The following XYLT1 variants were observed in gnomAD, a reference collection of about 807,000 sequenced individuals.
The protein encoded by XYLT1 is xylosyltransferase 1, also known as beta-D-xylosyltransferase 1.
In XYLT1, 36 loss-of-function variants were observed where a neutral mutation model predicts 91.3. The ratio of observed to expected loss-of-function variants is 0.39; its 90% CI spans 0.30 to 0.52. The LOEUF is 0.52. XYLT1 is among the 20% of genes least tolerant of loss of function. XYLT1 has a pLI of 0.68. For synonymous variants in XYLT1, 588 were observed against 532.0 expected (o/e 1.11, Z -1.45); for missense variants, 1,242 against 1,284.5 (o/e 0.97, Z 0.51).
At chr16:17,465,556 TG>T (rs68156050) in intron 1 of XYLT1, among the ~76,000 whole-genome samples, 65,944 of 101,294 alleles carry the variant, frequency 0.65, 19,092 homozygotes, top group African/African-American at 0.77. Flanking sequence ...TGTTTTTTTT[TG>T]GGGGGGGGGG....
At chr16:17,168,876 C>T (rs2141554249) in intron 5 of XYLT1, among the ~76,000 whole-genome samples, 1 of 152,250 alleles carries the variant, frequency 6.6e-6, no homozygotes, top group African/African-American at 2.4e-5. Context: ...TTCAGCGGCT[C>T]TCCATCATCT....
At chr16:17,390,828 G>C (rs2035808491) in intron 1 of XYLT1, among the ~76,000 whole-genome samples, 1 of 152,102 alleles carries the variant, frequency 6.6e-6, no homozygotes, top group South Asian at 2.1e-4. Context: ...CTGAGCTCAA[G>C]AGTTCAAAAC....
chr16:17,162,775 A>G (rs1028259210), intron 5 of XYLT1, among the ~76,000 whole-genome samples: 9 of 152,266 alleles, frequency 5.9e-5, no homozygotes, highest in African/African-American at 2.2e-4. Context: ...TTTTCAAACA[A>G]GATTCCAGAT....
rs149376807 is a variant in XYLT1, at chr16:17,138,816, A to T, written c.1588-285T>A. The T allele has an allele frequency of 4.9e-5, 15 of 303,134 alleles. 1 individual carries two copies. The South Asian group carries it at 7.9e-4, about 16-fold the overall frequency. 18.8% of individuals were successfully genotyped at this position (303,134 alleles called of 1,614,324 possible). A position where few individuals can be genotyped will look rare whatever the true frequency, so the allele number is the denominator to read the frequency against. The stretch of plus-strand genomic sequence containing the variant: ...GTCAAGGGACTCTTATGTTCTCTGC[A>T]TGCATTTGAGGTCAGCTGCCCATGT... On this transcript the variant is annotated intron_variant, in intron 7 of 11. Transcript: ENST00000261381.
chr16:17,259,265 G>A lies in XYLT1; in HGVS notation c.636C>T (p.Gly212=), dbSNP rs2033683995. Residue 212 remains glycine, a synonymous_variant, in exon 3 of 12, where the codon GGC becomes GGT. Coordinates refer to ENST00000261381, the MANE Select transcript of XYLT1 (RefSeq NM_022166.4). ...KGKGHTFPGK[G]PGEVLPPGDR... Reference sequence around the variant, plus strand: ...CCCCGGGAGGCAGCACCTCACCGGGGCCTTTCCCAGGGAATGTATGTCCTT... The same window carrying A: ...CCCCGGGAGGCAGCACCTCACCGGGACCTTTCCCAGGGAATGTATGTCCTT... 1 of 1,614,002 alleles carries A rather than the reference G, an allele frequency of 6.2e-7. No homozygotes were observed. The highest frequency in any genetic ancestry group is 1.3e-5 in the African/African-American group (1 of 74,916).
intron 5 of XYLT1, among the ~76,000 whole-genome samples, chr16:17,186,371 G>A (rs964480490): frequency 6.6e-6 from 1 of 152,112 alleles, no homozygotes; most frequent in African/African-American, 2.4e-5. Context: ...CCAAAGGGCT[G>A]GGATTACAGA....
chr16:17,313,171 G>A (rs1451831825), intron 2 of XYLT1, among the ~76,000 whole-genome samples: 1 of 152,194 alleles, frequency 6.6e-6, no homozygotes, highest in Non-Finnish European at 1.5e-5. Context: ...GCCAACACCA[G>A]AACTAGACAA....
chr16:17,110,333 CCCA>C (rs1322664956), intron 11 of XYLT1, among the ~76,000 whole-genome samples: 1 of 152,142 alleles, frequency 6.6e-6, no homozygotes, highest in African/African-American at 2.4e-5. Flanking sequence ...TCCCAGAATC[CCCA>C]CGTGTTGTGG....
chr16:17,408,554 T>C (rs1342187433), intron 1 of XYLT1, among the ~76,000 whole-genome samples: 1 of 152,190 alleles, frequency 6.6e-6, no homozygotes, highest in Non-Finnish European at 1.5e-5. Context: ...TTCTAGGTGC[T>C]AAAAGAATAG....
At chr16:17,387,635 A>G (rs901935164) in intron 1 of XYLT1, among the ~76,000 whole-genome samples, 1 of 152,152 alleles carries the variant, frequency 6.6e-6, no homozygotes, top group Non-Finnish European at 1.5e-5. Flanking sequence ...CTGGCAGGCA[A>G]GGGAACCGCT....
At chr16:17,407,760 C>T (rs2036052745) in intron 1 of XYLT1, among the ~76,000 whole-genome samples, 3 of 152,226 alleles carry the variant, frequency 2.0e-5, no homozygotes, top group African/African-American at 7.2e-5. Context: ...AGTAACTTGG[C>T]CTCTGCTATG....
rs1208487878 is a variant in XYLT1 at position 17,312,233 on chromosome 16, G to A, written c.402+45779C>T. Among the ~76,000 whole-genome samples the A allele has an allele frequency of 6.6e-6, 1 of 152,144 alleles. No homozygotes were observed. Among genetic ancestry groups the A allele is most frequent in the Non-Finnish European group, 1.5e-5 (1 of 68,018 alleles). On this transcript the variant is annotated intron_variant, in intron 2 of 11. Transcript: ENST00000261381. This position sits in a 1 kb window ranked among gnomAD's most constrained non-coding sequence, Gnocchi z 4.4. ...GCCCAGGGGGTGACTCATCTGCTGT[G>A]CCCAGAGCTCAGGCCAGGTAGGAGG...
intron 2 of XYLT1, among the ~76,000 whole-genome samples, chr16:17,337,768 A>AATTTTTCTTTTTTTTTTTTTTTTTTT (rs1272127217): frequency 3.9e-5 from 4 of 102,552 alleles, no homozygotes; most frequent in Non-Finnish European, 4.0e-5. Context: ...TCTGTTCCAC[A>AATTTTTCTTTTTTTTTTTTTTTTTTT]TTTTTTCTTT....
chr16:17,166,910 G>C (rs552885614), intron 5 of XYLT1, among the ~76,000 whole-genome samples: 1 of 152,090 alleles, frequency 6.6e-6, no homozygotes, highest in Non-Finnish European at 1.5e-5. Flanking sequence ...GGGGTGATTT[G>C]GGGGAAGGAA....
chr16:17,211,592 G>A (rs1449368413), intron 3 of XYLT1, among the ~76,000 whole-genome samples: 1 of 152,094 alleles, frequency 6.6e-6, no homozygotes, highest in Non-Finnish European at 1.5e-5. Context: ...CCCATTTATA[G>A]ATAATCATCC....
intron 2 of XYLT1, among the ~76,000 whole-genome samples, chr16:17,308,753 A>G (rs192101253): frequency 6.6e-6 from 1 of 152,326 alleles, no homozygotes; most frequent in African/African-American, 2.4e-5. Context: ...TGCTATGAAG[A>G]TTAGAAATCA....
At chr16:17,347,261 C>T (rs2035156767) in intron 2 of XYLT1, among the ~76,000 whole-genome samples, 1 of 152,216 alleles carries the variant, frequency 6.6e-6, no homozygotes, top group South Asian at 2.1e-4. Context: ...CTCTGTCTGT[C>T]TGTCTGCTCT....
chr16:17,329,544 C>T (rs867500417), intron 2 of XYLT1, among the ~76,000 whole-genome samples: 1 of 152,148 alleles, frequency 6.6e-6, no homozygotes, highest in African/African-American at 2.4e-5. Context: ...TATCTCATTG[C>T]CCCACCCTTT....
At chr16:17,192,871 G>A (rs2032351431) in intron 5 of XYLT1, 1 of 147,770 alleles carries the variant, frequency 6.8e-6, no homozygotes, top group African/African-American at 2.5e-5. Context: ...GGAGCGCGGT[G>A]GTACGATCTC....
Sources: gnomAD v4.1 joint callset for allele counts (sites outside exome capture counted in the v4.1 genomes callset) on GRCh38, gnomAD v4.1.1 for gene constraint, Gnocchi (gnomAD v3.1) non-coding constraint, MANE v1.5 for transcripts, NCBI Gene and HGNC (gene_info 2026-07-23, HGNC 2026-07-21) for gene names.